The following ESM1 variants were observed in gnomAD, a reference collection of about 807,000 sequenced individuals.
ESM1 encodes endothelial cell specific molecule 1, also known as endothelial cell-specific molecule 1.
In ESM1, 7 loss-of-function variants were observed where a neutral mutation model predicts 14.9. The observed-to-expected ratio is 0.47, with a 90% confidence interval of 0.27 to 0.88. ESM1 has a LOEUF of 0.88. Ranked by LOEUF, ESM1 falls within the 40% of genes least tolerant of loss-of-function variation. ESM1 has a pLI of 0.14. For synonymous variants in ESM1, 89 were observed against 89.4 expected (o/e 1.00, Z 0.02); for missense variants, 192 against 237.9 (o/e 0.81, Z 1.27).
At chr5:54,982,194 G>T in intron 1 of ESM1, 48 bp from the exon 2 acceptor site, 2 of 1,598,108 alleles carry the variant, frequency 1.3e-6, no homozygotes, top group East Asian at 2.2e-5. Flanking sequence ...TTGTAAATAC[G>T]TCTCCATCCT....
In ESM1 at chr5:54,979,209, G is replaced by A. The variant is rs1387911497; in HGVS notation, c.*123C>T. 21 of 702,008 alleles carry A rather than the reference G, an allele frequency of 3.0e-5. No homozygotes were observed. Among genetic ancestry groups the A allele is most frequent in the Non-Finnish European group, 5.4e-5 (21 of 391,006 alleles). 43.5% of individuals were successfully genotyped at this position (702,008 alleles called of 1,614,324 possible). A position where few individuals can be genotyped will look rare whatever the true frequency, so the allele number is the denominator to read the frequency against. On this transcript the variant is annotated 3_prime_UTR_variant, in exon 3 of 3. Transcript: ENST00000381405. ...ACTTTTTGTTTTCTGGATCCACCATGCATCACATTTGGTCTTCAAAAATTA... is the reference window on the plus strand; with the variant it reads ...ACTTTTTGTTTTCTGGATCCACCATACATCACATTTGGTCTTCAAAAATTA...
chr5:54,983,259 T>C (rs3756297), intron 1 of ESM1, among the ~76,000 whole-genome samples: 3 of 152,160 alleles, frequency 2.0e-5, no homozygotes, highest in East Asian at 3.9e-4. Context: ...GAAGAAGAGA[T>C]CTTAAAAAGG....
chr5:54,983,108 T>C (rs1022161695), intron 1 of ESM1, among the ~76,000 whole-genome samples: 2 of 152,048 alleles, frequency 1.3e-5, no homozygotes, highest in African/African-American at 4.8e-5. Context: ...GCCATCTGAG[T>C]CTCTAGCAGT....
In ESM1 at chr5:54,979,390, A is replaced by T. The variant is rs138338667; in HGVS notation, c.497T>A (p.Val166Asp). 1.9e-6 allele frequency: 3 copies of T among 1,613,782 alleles called. No homozygotes were observed. In the East Asian group the frequency reaches 6.7e-5, roughly 36 times the overall value. ...SGDGNIVREE[V>D]VKENAAGSPV... is the part of the protein sequence containing the mutation. ...AGACCCGGCAGCATTCTCTTTCACA[A>T]CTTCTTCTCTCACAATATTGCCATC... is the stretch of plus-strand genomic sequence containing the variant. The change falls in exon 3 of 3, where the codon GTT (valine) becomes GAT (aspartate). Residue 166 changes from valine (V) to aspartate (D), a missense_variant. Coordinates refer to ENST00000381405, the MANE Select transcript of ESM1 (RefSeq NM_007036.5).
intron 1 of ESM1, among the ~76,000 whole-genome samples, chr5:54,984,730 T>C (rs545432014): frequency 2.2e-4 from 33 of 152,316 alleles, no homozygotes; most frequent in African/African-American, 7.5e-4. Context: ...TAAAGTGCAT[T>C]TGTGTTTATC....
intron 2 of ESM1, 102 bp from the exon 3 acceptor site, chr5:54,979,537 T>G: frequency 1.3e-6 from 1 of 770,598 alleles, no homozygotes; most frequent in East Asian, 2.5e-5. Flanking sequence ...AATGAAATCT[T>G]TAATCAATTT....
At chr5:54,985,130 T>C (rs776573442) in intron 1 of ESM1, 87 bp downstream of exon 1, 232 of 1,257,398 alleles carry the variant, frequency 1.8e-4, no homozygotes, top group Non-Finnish European at 2.6e-4. Context: ...CCTCTTACTC[T>C]TGAGGAGCAA....
rs1430584780 is a variant in ESM1 at position 54,985,535 on chromosome 5, G to A, written c.-18C>T. ...CTCTTCATGTTTCCCAGCTGCCTCC[G>A]GCTCGGCTCTCCAGTCGTGGTCTTT... On this transcript the variant is annotated 5_prime_UTR_variant, in exon 1 of 3. Coordinates refer to ENST00000381405, the MANE Select transcript of ESM1 (RefSeq NM_007036.5). 6.4e-6 allele frequency: 10 copies of A among 1,574,182 alleles called. No individual in the cohort carries two copies. Among genetic ancestry groups the A allele is most frequent in the East Asian group, 2.3e-5 (1 of 44,312 alleles).
At chr5:54,983,295 A>G (rs941537406) in intron 1 of ESM1, among the ~76,000 whole-genome samples, 2 of 152,196 alleles carry the variant, frequency 1.3e-5, no homozygotes, top group African/African-American at 4.8e-5. Context: ...TGTTCCAGAA[A>G]AGCACACAGG....
rs1457243023 is a variant in ESM1, at chr5:54,978,527, A to G, written c.*805T>C. ...ATGGGTAGGGAAGATGACTTGCACTAACACATTTATTTATAAAAATATATA... is the reference window on the plus strand; with the variant it reads ...ATGGGTAGGGAAGATGACTTGCACTGACACATTTATTTATAAAAATATATA... On this transcript the variant is annotated 3_prime_UTR_variant, in exon 3 of 3. Coordinates refer to ENST00000381405, the MANE Select transcript of ESM1 (RefSeq NM_007036.5). 1 of 152,108 alleles carries G rather than the reference A, an allele frequency of 6.6e-6. No individual in the cohort carries two copies. 9.4% of individuals were successfully genotyped at this position (152,108 alleles called of 1,614,324 possible). A position where few individuals can be genotyped will look rare whatever the true frequency, so the allele number is the denominator to read the frequency against.
intron 2 of ESM1, among the ~76,000 whole-genome samples, chr5:54,979,869 T>C (rs1201592550): frequency 6.6e-6 from 1 of 152,074 alleles, no homozygotes; most frequent in Non-Finnish European, 1.5e-5. Flanking sequence ...CTAACTGGTA[T>C]GAAAGACAGA....
At chr5:54,982,803 T>A (rs552399121) in intron 1 of ESM1, among the ~76,000 whole-genome samples, 1 of 152,276 alleles carries the variant, frequency 6.6e-6, no homozygotes, top group East Asian at 1.9e-4. Flanking sequence ...AGATGCTAAA[T>A]GAGCAAGAAA....
At chr5:54,985,182 C>T (rs772147463) in intron 1 of ESM1, 35 bp downstream of exon 1, 3 of 1,551,242 alleles carry the variant, frequency 1.9e-6, no homozygotes, top group African/African-American at 1.4e-5. Flanking sequence ...TCTCAGCATG[C>T]CCCGGGAGGG....
chr5:54,980,734 C>T (rs1744036777), intron 2 of ESM1, among the ~76,000 whole-genome samples: 1 of 152,110 alleles, frequency 6.6e-6, no homozygotes, highest in African/African-American at 2.4e-5. Flanking sequence ...TGGGCATCAC[C>T]ATACTTAAAA....
At position 54,979,441 on chromosome 5, in the gene ESM1, A is replaced by G; in HGVS notation, c.452-6T>C. The G allele has an allele frequency of 6.3e-7, 1 of 1,585,938 alleles. No individual in the cohort carries two copies. The highest frequency in any genetic ancestry group is 8.7e-7 in the Non-Finnish European group (1 of 1,154,472). ...TCCAGATGCCATGTCATGCTCTGAA[A>G]GTAGACGGAATACAAATCATGTCCA... is the stretch of plus-strand genomic sequence containing the variant. On this transcript the variant is annotated splice_region_variant and splice_polypyrimidine_tract_variant and intron_variant, in intron 2 of 2. Coordinates refer to ENST00000381405, the MANE Select transcript of ESM1 (RefSeq NM_007036.5).
chr5:54,981,161 G>A (rs1482984056), intron 2 of ESM1, among the ~76,000 whole-genome samples: 1 of 152,008 alleles, frequency 6.6e-6, no homozygotes, highest in Non-Finnish European at 1.5e-5. Flanking sequence ...TTTGTGATGG[G>A]AACATTTAAA....
intron 2 of ESM1, among the ~76,000 whole-genome samples, chr5:54,980,989 G>T (rs1173736409): frequency 1.3e-5 from 2 of 151,694 alleles, no homozygotes; most frequent in African/African-American, 4.8e-5. Context: ...CTATATGTTG[G>T]GCTTATTATT....
chr5:54,979,447 C>T lies in ESM1; in HGVS notation c.452-12G>A, dbSNP rs375895378. On this transcript the variant is annotated splice_polypyrimidine_tract_variant and intron_variant, in intron 2 of 2. Transcript: ENST00000381405. ...TGCCATGTCATGCTCTGAAAGTAGA[C>T]GGAATACAAATCATGTCCAAACATC... 127 of 1,566,478 alleles carry T rather than the reference C, an allele frequency of 8.1e-5. 3 individuals carry two copies. Among genetic ancestry groups the T allele is most frequent in the South Asian group, 3.4e-4 (31 of 89,938 alleles).
At position 54,982,051 on chromosome 5, in the gene ESM1, G is replaced by A; in HGVS notation, c.397C>T (p.Pro133Ser). 6.2e-7 allele frequency: 1 copy of A among 1,614,182 alleles called. No homozygotes were observed. Among genetic ancestry groups the A allele is most frequent in the Non-Finnish European group, 8.5e-7 (1 of 1,180,002 alleles). ...DRGTGKCLKF[P>S]FFQYSVTKSS... Reference sequence around the variant, plus strand: ...TTGGTTACTGAATATTGGAAGAAGGGGAATTTCAGGCATTTTCCCGTCCCC... The same window carrying A: ...TTGGTTACTGAATATTGGAAGAAGGAGAATTTCAGGCATTTTCCCGTCCCC... The change falls in exon 2 of 3, where the codon CCC (proline) becomes TCC (serine). Residue 133 changes from proline to serine, a missense_variant. Physicochemically the swap from Pro to Ser is moderately conservative, Grantham distance 74 (BLOSUM62 -1). Coordinates refer to ENST00000381405, the MANE Select transcript of ESM1 (RefSeq NM_007036.5).
Sources: allele counts gnomAD v4.1 joint callset (sites outside exome capture counted in the v4.1 genomes callset), GRCh38; gene constraint gnomAD v4.1.1; transcripts MANE v1.5; gene names NCBI Gene and HGNC (gene_info 2026-07-23, HGNC 2026-07-21).